The following ADAMTS17 variants were observed in gnomAD, a reference collection of about 807,000 sequenced individuals.
ADAMTS17 encodes the protein A disintegrin and metalloproteinase with thrombospondin motifs 17.
Under a neutral mutation model 141.5 loss-of-function variants are expected in ADAMTS17, and 113 were observed. The observed-to-expected ratio is 0.80, with a 90% CI of 0.69 to 0.93. ADAMTS17 has a LOEUF of 0.93. Ranked by LOEUF, ADAMTS17 falls within the 40% of genes least tolerant of loss-of-function variation. The pLI, the probability that ADAMTS17 is intolerant of heterozygous loss-of-function variation, is 0.00. For synonymous variants in ADAMTS17, 768 were observed against 630.6 expected, an observed-to-expected ratio of 1.22 and a Z score of -3.27; for missense variants, 1,659 against 1,517.9, an observed-to-expected ratio of 1.09 and a Z score of -1.54.
intron 4 of ADAMTS17, among the ~76,000 whole-genome samples, chr15:100,277,198 A>C (rs1168591799): frequency 1.3e-5 from 2 of 151,870 alleles, no homozygotes; most frequent in East Asian, 3.9e-4. Context: ...CTCAATCCAA[A>C]CTTCACGTGT....
intron 12 of ADAMTS17, among the ~76,000 whole-genome samples, chr15:100,124,935 C>CATCT (rs923946331): frequency 1.3e-5 from 2 of 152,218 alleles, no homozygotes; most frequent in African/African-American, 4.8e-5. Flanking sequence ...TATGGCAGAA[C>CATCT]ATCTGCCCCT....
intron 14 of ADAMTS17, among the ~76,000 whole-genome samples, chr15:100,101,921 G>A (rs542930249): frequency 3.9e-5 from 6 of 152,206 alleles, no homozygotes; most frequent in Non-Finnish European, 5.9e-5. Context: ...GGCCAGTTGC[G>A]CAGCCGTGAC....
At chr15:100,323,866 T>G (rs943090231) in intron 3 of ADAMTS17, among the ~76,000 whole-genome samples, 1 of 152,100 alleles carries the variant, frequency 6.6e-6, no homozygotes, top group Non-Finnish European at 1.5e-5. Context: ...TTTATGACTA[T>G]ATATCATAAT....
At chr15:100,297,904 C>T (rs1019218931) in intron 3 of ADAMTS17, among the ~76,000 whole-genome samples, 3 of 152,090 alleles carry the variant, frequency 2.0e-5, no homozygotes, top group African/African-American at 7.2e-5. Context: ...ACGACAAGAG[C>T]AGAGCATGAC....
chr15:100,072,798 A>G (rs1373025798), intron 15 of ADAMTS17, among the ~76,000 whole-genome samples: 1 of 152,212 alleles, frequency 6.6e-6, no homozygotes, highest in Non-Finnish European at 1.5e-5. Context: ...TAAAACCATA[A>G]AAACCCTAGA....
At chr15:100,204,534 G>A (rs2041458895) in intron 7 of ADAMTS17, among the ~76,000 whole-genome samples, 1 of 152,200 alleles carries the variant, frequency 6.6e-6, no homozygotes, top group Non-Finnish European at 1.5e-5. Context: ...CAGCATTTAG[G>A]AGCAAATGTC....
chr15:100,189,349 C>T (rs976257519), intron 8 of ADAMTS17, among the ~76,000 whole-genome samples: 4 of 152,278 alleles, frequency 2.6e-5, no homozygotes, highest in South Asian at 2.1e-4. Context: ...CTGAGTAAGC[C>T]GAGTGTGGAC....
intron 15 of ADAMTS17, among the ~76,000 whole-genome samples, chr15:100,079,403 T>A (rs2034586935): frequency 6.6e-6 from 1 of 152,200 alleles, no homozygotes; most frequent in African/African-American, 2.4e-5. Context: ...ACAACATGCA[T>A]GACTTGAAAA....
At chr15:100,179,303 A>G (rs2040443045) in intron 8 of ADAMTS17, among the ~76,000 whole-genome samples, 1 of 152,166 alleles carries the variant, frequency 6.6e-6, no homozygotes, top group South Asian at 2.1e-4. Context: ...TAGCTCCAAC[A>G]AATAAGTAGA....
In ADAMTS17 at chr15:99,974,310, C is replaced by T. The variant is rs1433283558; in HGVS notation, c.*92G>A. 1.2e-5 allele frequency: 19 copies of T among 1,546,502 alleles called. No individual in the cohort carries two copies. The highest frequency in any genetic ancestry group is 1.1e-4 in the East Asian group (5 of 44,584). On this transcript the variant is annotated 3_prime_UTR_variant, in exon 22 of 22. Coordinates refer to ENST00000268070, the MANE Select transcript of ADAMTS17 (RefSeq NM_139057.4). ...TATGTAGTTGGATTCTTGTGGCAGC[C>T]GGGTGGGGGCGTGGCCACAAGGCTG...
intron 7 of ADAMTS17, among the ~76,000 whole-genome samples, chr15:100,216,864 G>A (rs115395610): frequency 3.3e-5 from 5 of 152,298 alleles, no homozygotes; most frequent in Admixed American, 3.3e-4. Flanking sequence ...ATTTTACTAA[G>A]ATTAGATTCG....
intron 15 of ADAMTS17, among the ~76,000 whole-genome samples, chr15:100,073,768 TG>T (rs1490295704): frequency 8.1e-4 from 1 of 1,228 alleles, no homozygotes; most frequent in Non-Finnish European, 2.2e-3. Flanking sequence ...TGTTGTGGGG[TG>T]GGGGGAGGGG....
In ADAMTS17 at chr15:99,973,055, C is replaced by G. The variant is rs2060244000; in HGVS notation, c.*1347G>C. ...GTGAGCAAAACAGGCCTCCTGGCAT[C>G]TAGGGTCCCTGCCCGGCCTCCTTGC... On this transcript the variant is annotated 3_prime_UTR_variant, in exon 22 of 22. Coordinates refer to ENST00000268070, the MANE Select transcript of ADAMTS17 (RefSeq NM_139057.4). The G allele has an allele frequency of 6.6e-6, 1 of 152,156 alleles. No homozygotes were observed. The highest frequency in any genetic ancestry group is 1.5e-5 in the Non-Finnish European group (1 of 68,068). 9.4% of individuals were successfully genotyped at this position (152,156 alleles called of 1,614,324 possible).
At chr15:100,033,611 C>G (rs980886335) in intron 18 of ADAMTS17, among the ~76,000 whole-genome samples, 1 of 152,178 alleles carries the variant, frequency 6.6e-6, no homozygotes, top group African/African-American at 2.4e-5. Flanking sequence ...GTTTTCTTTA[C>G]CATGCTCCCG....
At chr15:100,036,602 G>A (rs545258782) in intron 18 of ADAMTS17, among the ~76,000 whole-genome samples, 1 of 152,344 alleles carries the variant, frequency 6.6e-6, no homozygotes, top group South Asian at 2.1e-4. Flanking sequence ...TTTTTTAATA[G>A]CTTTGAGACA....
At chr15:100,064,182 A>G (rs925775328) in intron 15 of ADAMTS17, among the ~76,000 whole-genome samples, 2 of 152,184 alleles carry the variant, frequency 1.3e-5, no homozygotes, top group Non-Finnish European at 2.9e-5. Context: ...GAAGGCAGAG[A>G]TGAAGTGATG....
intron 20 of ADAMTS17, chr15:99,978,808 C>T (rs138969810): frequency 6.6e-6 from 1 of 152,300 alleles, no homozygotes; most frequent in East Asian, 1.9e-4. Context: ...CAATACAATC[C>T]GATGGTGGAG....
At chr15:100,191,865 C>T (rs556617105) in intron 8 of ADAMTS17, among the ~76,000 whole-genome samples, 6 of 151,762 alleles carry the variant, frequency 4.0e-5, no homozygotes, top group East Asian at 2.0e-4. Flanking sequence ...CCTCCACAGT[C>T]GCAAGCTCAT....
chr15:100,113,330 G>T (rs1241624248), intron 13 of ADAMTS17, among the ~76,000 whole-genome samples: 1 of 152,112 alleles, frequency 6.6e-6, no homozygotes, highest in Non-Finnish European at 1.5e-5. Context: ...TCCATTTGTG[G>T]CAAACACATT....
Sources: allele counts gnomAD v4.1 joint callset (sites outside exome capture counted in the v4.1 genomes callset), GRCh38; gene constraint gnomAD v4.1.1; transcripts MANE v1.5; gene names NCBI Gene and HGNC (gene_info 2026-07-23, HGNC 2026-07-21).